PCCA: variants seen among roughly 807,000 people sequenced by gnomAD.
PCCA encodes the protein propionyl-CoA carboxylase subunit alpha.
Under a neutral mutation model 101.3 loss-of-function variants are expected in PCCA, and 74 were observed. The observed-to-expected ratio is 0.73, with a 90% CI of 0.61 to 0.89. The LOEUF is 0.89. Ranked by LOEUF, PCCA falls within the 40% of genes least tolerant of loss-of-function variation. PCCA has a pLI of 0.00. For synonymous variants in PCCA, 294 were observed against 313.6 expected (o/e 0.94, Z 0.66); for missense variants, 891 against 907.0 (o/e 0.98, Z 0.23).
chr13:100,365,665 G>A (rs1429947223), intron 18 of PCCA, among the ~76,000 whole-genome samples: 2 of 152,198 alleles, frequency 1.3e-5, no homozygotes, highest in Non-Finnish European at 2.9e-5. Flanking sequence ...AGAGAGATGA[G>A]ATGAGAATCC....
chr13:100,188,334 A>AGAAC (rs1185107886), intron 6 of PCCA, among the ~76,000 whole-genome samples: 1 of 124,040 alleles, frequency 8.1e-6, no homozygotes, highest in Non-Finnish European at 1.8e-5. Context: ...CAAAAACACA[A>AGAAC]AGAAAGAAAG....
intron 2 of PCCA, among the ~76,000 whole-genome samples, chr13:100,107,325 C>T (rs117726699): frequency 6.6e-6 from 1 of 152,198 alleles, no homozygotes; most frequent in Non-Finnish European, 1.5e-5. Flanking sequence ...TTGCTTGGAT[C>T]AAGACCATTA....
chr13:100,406,012 G>A (rs544962935), intron 19 of PCCA, among the ~76,000 whole-genome samples: 209 of 151,906 alleles, frequency 1.4e-3, no homozygotes, highest in African/African-American at 4.6e-3. Context: ...TGATCCACCC[G>A]CCTCGGCCTC....
intron 10 of PCCA, among the ~76,000 whole-genome samples, chr13:100,267,319 A>G (rs1163199859): frequency 6.6e-6 from 1 of 152,130 alleles, no homozygotes; most frequent in African/African-American, 2.4e-5. Context: ...ATTCCAGCTT[A>G]TTGGCATTTT....
intron 1 of PCCA, among the ~76,000 whole-genome samples, chr13:100,099,992 C>T (rs1363175831): frequency 5.9e-5 from 9 of 152,058 alleles, no homozygotes; most frequent in Non-Finnish European, 7.4e-5. Flanking sequence ...CCAAGTGGTT[C>T]TGGTATAATT....
intron 4 of PCCA, among the ~76,000 whole-genome samples, chr13:100,116,133 C>G (rs1354764803): frequency 6.6e-6 from 1 of 152,162 alleles, no homozygotes; most frequent in Non-Finnish European, 1.5e-5. Flanking sequence ...ACTATCATAG[C>G]TAATCAGCTT....
intron 6 of PCCA, among the ~76,000 whole-genome samples, chr13:100,196,109 T>A (rs2058088286): frequency 6.6e-6 from 1 of 152,188 alleles, no homozygotes; most frequent in South Asian, 2.1e-4. Flanking sequence ...AAAAGTTTCC[T>A]CCATAAATTT....
chr13:100,371,451 A>G (rs2152815937), intron 19 of PCCA, among the ~76,000 whole-genome samples: 1 of 152,338 alleles, frequency 6.6e-6, no homozygotes, highest in African/African-American at 2.4e-5. Flanking sequence ...GTCAGGGACT[A>G]GAAGACTTAA....
At chr13:100,361,233 T>A (rs4771363) in intron 18 of PCCA, among the ~76,000 whole-genome samples, 2 of 151,746 alleles carry the variant, frequency 1.3e-5, no homozygotes, top group African/African-American at 4.8e-5. Flanking sequence ...TCATTAGATA[T>A]TTGTCAAAAC....
intron 12 of PCCA, among the ~76,000 whole-genome samples, chr13:100,296,340 A>G (rs967974775): frequency 4.0e-5 from 6 of 151,778 alleles, no homozygotes; most frequent in Admixed American, 2.6e-4. Flanking sequence ...TCCTGGGTTC[A>G]GGTGATTCTC....
chr13:100,343,835 G>C (rs1330435893), intron 18 of PCCA, among the ~76,000 whole-genome samples: 1 of 152,230 alleles, frequency 6.6e-6, no homozygotes, highest in African/African-American at 2.4e-5. Flanking sequence ...CACACTTTGG[G>C]AGGCCAAGGC....
intron 10 of PCCA, among the ~76,000 whole-genome samples, chr13:100,266,191 G>A (rs968733716): frequency 1.3e-5 from 2 of 152,106 alleles, no homozygotes; most frequent in Admixed American, 6.5e-5. Flanking sequence ...GTTGAATTTC[G>A]TAACAGGCCA....
chr13:100,419,451 A>G (rs1490268030), intron 19 of PCCA, among the ~76,000 whole-genome samples: 4 of 151,026 alleles, frequency 2.6e-5, no homozygotes, highest in Non-Finnish European at 4.4e-5. Flanking sequence ...TAGCCTGGGC[A>G]ACAGAGCGAG....
At chr13:100,143,385 A>T (rs1401569600) in intron 4 of PCCA, among the ~76,000 whole-genome samples, 1 of 151,730 alleles carries the variant, frequency 6.6e-6, no homozygotes. Context: ...ACAAAAAAAA[A>T]TTAGCTAGCT....
At chr13:100,375,872 A>C (rs1280386506) in intron 19 of PCCA, among the ~76,000 whole-genome samples, 1 of 152,222 alleles carries the variant, frequency 6.6e-6, no homozygotes, top group Non-Finnish European at 1.5e-5. Flanking sequence ...TGAAGAGCCA[A>C]CAGTGTGCTG....
chr13:100,439,450 C>G (rs1047810620), intron 20 of PCCA, among the ~76,000 whole-genome samples: 2 of 152,116 alleles, frequency 1.3e-5, no homozygotes, highest in African/African-American at 4.8e-5. Context: ...TGAGCTCACT[C>G]TCTGTTTTCC....
At position 100,455,451 on chromosome 13, in the gene PCCA, A is replaced by T. The variant is rs80047997; in HGVS notation, c.1899+6146A>T. On this transcript the variant is annotated intron_variant, in intron 21 of 23. Transcript: ENST00000376285. ...TTTGTTTTACGCGTTTTTAAACTTG[A>T]TATACATAGAATTATATTCTGGAAT... is the stretch of plus-strand genomic sequence containing the variant. Among the ~76,000 whole-genome samples, 56 of 152,270 alleles carry T rather than the reference A, an allele frequency of 3.7e-4. No homozygotes were observed. The East Asian group carries it at 9.6e-3, about 26-fold the overall frequency.
At chr13:100,137,377 T>A (rs561628787) in intron 4 of PCCA, among the ~76,000 whole-genome samples, 1 of 152,346 alleles carries the variant, frequency 6.6e-6, no homozygotes, top group East Asian at 1.9e-4. Context: ...TGGTTTGTGG[T>A]ATTGTCCAGT....
At chr13:100,426,359 GA>G (rs397940109) in intron 20 of PCCA, among the ~76,000 whole-genome samples, 145 of 141,212 alleles carry the variant, frequency 1.0e-3, no homozygotes, top group Middle Eastern at 3.7e-3. Context: ...AGCGTTTTAG[GA>G]AAAAAAAAAA....
Sources: allele counts gnomAD v4.1 joint callset (sites outside exome capture counted in the v4.1 genomes callset), GRCh38; gene constraint gnomAD v4.1.1; transcripts MANE v1.5; gene names NCBI Gene and HGNC (gene_info 2026-07-23, HGNC 2026-07-21).